HMGB1: variants seen among roughly 807,000 people sequenced by gnomAD.
HMGB1 encodes the protein high mobility group box 1, also known as high mobility group protein B1.
For synonymous variants in HMGB1, 81 were observed against 84.0 expected, an observed-to-expected ratio of 0.96 and a Z score of 0.19; for missense variants, 79 against 253.5, an observed-to-expected ratio of 0.31 and a Z score of 4.67.
rs1886477144 is a variant in HMGB1, at chr13:30,463,286, T to C, written c.217A>G (p.Arg73Gly). The change falls in exon 3 of 5, where the codon AGA (arginine) becomes GGA (glycine). Residue 73 changes from arginine (R) to glycine (G), a missense_variant. By Grantham distance (125) the Arg-to-Gly change is moderately radical. Transcript: ENST00000341423. ...MAKADKARYE[R>G]EMKTYIPPKG... ...GGAGGGATATAGGTTTTCATTTCTC[T>C]TTCATAACGGGCCTTGTCCGCTTTT... 6.2e-7 allele frequency: 1 copy of C among 1,609,776 alleles called. No individual in the cohort carries two copies. The highest frequency in any genetic ancestry group is 1.3e-5 in the African/African-American group (1 of 74,556).
rs1410116632 is a variant in HMGB1, at chr13:30,552,805, C to T, written c.-15+63866G>A. On this transcript the variant is annotated intron_variant, in intron 1 of 4. Coordinates refer to the HMGB1 transcript ENST00000405805. ...TCTAAACATTCTGAGCAATATATCACGTGTTCTCAATTTCACCTCTTATTT... is the reference window on the plus strand; with the variant it reads ...TCTAAACATTCTGAGCAATATATCATGTGTTCTCAATTTCACCTCTTATTT... Among the ~76,000 whole-genome samples the T allele has an allele frequency of 5.9e-5, 9 of 152,316 alleles. No individual in the cohort carries two copies. In the South Asian group the frequency reaches 1.7e-3, roughly 28 times the overall value.
intron 1 of HMGB1, chr13:30,554,557 C>T: frequency 1.3e-6 from 1 of 780,596 alleles, no homozygotes; most frequent in Non-Finnish European, 2.3e-6. Flanking sequence ...CTAAGGAAAA[C>T]TTAGCTCCTG....
intron 1 of HMGB1, among the ~76,000 whole-genome samples, chr13:30,497,458 A>G (rs201722435): frequency 1.3e-5 from 1 of 75,614 alleles, no homozygotes; most frequent in Non-Finnish European, 3.4e-5. Flanking sequence ...TTTTTTTTTT[A>G]ACTTTCATTT....
chr13:30,520,336 T>C (rs565240039), intron 1 of HMGB1, among the ~76,000 whole-genome samples: 8 of 149,446 alleles, frequency 5.4e-5, no homozygotes, highest in African/African-American at 1.7e-4. Context: ...AAAATAAAAA[T>C]AGGCTGGGCG....
At position 30,519,568 on chromosome 13, in the gene HMGB1, C is replaced by T. The variant is rs868418065; in HGVS notation, c.-14-55874G>A. On this transcript the variant is annotated intron_variant, in intron 1 of 4. Transcript: ENST00000405805. ...AAAAAAAATTAGCCAGGCGTGGTGG[C>T]GGGCGCCTGTAGTCCCAGCTACTTG... Among the ~76,000 whole-genome samples the T allele has an allele frequency of 6.3e-4, 94 of 150,224 alleles. 1 individual carries two copies. The highest frequency in any genetic ancestry group is 1.4e-3 in the African/African-American group (57 of 40,874).
At chr13:30,501,141 T>C (rs1272417972) in intron 1 of HMGB1, among the ~76,000 whole-genome samples, 3 of 152,140 alleles carry the variant, frequency 2.0e-5, no homozygotes, top group Non-Finnish European at 4.4e-5. Flanking sequence ...AATAAATGAA[T>C]TGGATACCCT....
At chr13:30,612,405 T>C (rs780379667) in intron 1 of HMGB1, among the ~76,000 whole-genome samples, 23 of 152,288 alleles carry the variant, frequency 1.5e-4, no homozygotes, top group South Asian at 6.2e-4. Context: ...GGGACTAGCA[T>C]TGTCAGCAGG....
At chr13:30,495,981 A>G (rs879369561) in intron 1 of HMGB1, among the ~76,000 whole-genome samples, 2 of 152,176 alleles carry the variant, frequency 1.3e-5, no homozygotes, top group Admixed American at 6.5e-5. Flanking sequence ...CTCTACAACC[A>G]TCTAGAGTGG....
intron 1 of HMGB1, among the ~76,000 whole-genome samples, chr13:30,550,398 G>A (rs901412970): frequency 6.6e-6 from 1 of 152,228 alleles, no homozygotes; most frequent in African/African-American, 2.4e-5. Flanking sequence ...ACCAGTGTGA[G>A]CAGTGCTAAC....
At chr13:30,502,989 C>G (rs1887769256) in intron 1 of HMGB1, among the ~76,000 whole-genome samples, 1 of 151,966 alleles carries the variant, frequency 6.6e-6, no homozygotes, top group African/African-American at 2.4e-5. Context: ...ACACTCTTAA[C>G]AGAGTTGATG....
At chr13:30,497,517 T>C (rs750021383) in intron 1 of HMGB1, among the ~76,000 whole-genome samples, 3 of 151,974 alleles carry the variant, frequency 2.0e-5, no homozygotes, top group Non-Finnish European at 2.9e-5. Context: ...AAATTTTGTG[T>C]CATGGGGGCT....
intron 1 of HMGB1, among the ~76,000 whole-genome samples, chr13:30,527,292 CAGGGAGA>C (rs1188505189): frequency 1.3e-5 from 2 of 152,332 alleles, no homozygotes; most frequent in East Asian, 3.9e-4. Flanking sequence ...TAAGAAACTT[CAGGGAGA>C]AGCTGGCCTG....
intron 1 of HMGB1, among the ~76,000 whole-genome samples, chr13:30,538,497 T>TCTTTCTTTCCTTC: frequency 2.1e-5 from 1 of 46,880 alleles, no homozygotes; most frequent in Non-Finnish European, 4.3e-5. Flanking sequence ...TTTCTTTCTT[T>TCTTTCTTTCCTTC]CTTTCTTTCT....
At chr13:30,555,011 C>T (rs1168323160) in intron 1 of HMGB1, among the ~76,000 whole-genome samples, 1 of 147,382 alleles carries the variant, frequency 6.8e-6, no homozygotes, top group African/African-American at 2.5e-5. Flanking sequence ...TTTGCAGAAC[C>T]TTACATTGGA....
intron 1 of HMGB1, among the ~76,000 whole-genome samples, chr13:30,612,121 A>C (rs932243400): frequency 2.0e-5 from 3 of 152,166 alleles, no homozygotes; most frequent in African/African-American, 7.2e-5. Context: ...CTCACAACCT[A>C]CTATGGGGCC....
At position 30,544,462 on chromosome 13, in the gene HMGB1, G is replaced by A. The variant is rs75618372; in HGVS notation, c.-15+72209C>T. On this transcript the variant is annotated intron_variant, in intron 1 of 4. Transcript: ENST00000405805. The stretch of plus-strand genomic sequence containing the variant: ...CAACCTCCGGGGAGGGAAGAGGGGC[G>A]GAAGGTTGAGTTGATCAGCAATAGG... Among the ~76,000 whole-genome samples, 25 of 152,332 alleles carry A rather than the reference G, an allele frequency of 1.6e-4. No individual in the cohort carries two copies. The East Asian group carries it at 3.9e-3, about 24-fold the overall frequency.
intron 1 of HMGB1, among the ~76,000 whole-genome samples, chr13:30,491,058 C>T (rs1043903470): frequency 1.3e-4 from 20 of 150,844 alleles, no homozygotes; most frequent in African/African-American, 3.9e-4. Context: ...GACGGAGTTT[C>T]GCTCTTGTTG....
At chr13:30,563,451 A>T (rs537498263) in intron 1 of HMGB1, among the ~76,000 whole-genome samples, 26 of 152,224 alleles carry the variant, frequency 1.7e-4, no homozygotes, top group African/African-American at 6.3e-4. Flanking sequence ...TCTCTAAAAA[A>T]TTTTAAAATT....
chr13:30,572,874 A>C (rs1487960550), intron 1 of HMGB1, among the ~76,000 whole-genome samples: 1 of 152,242 alleles, frequency 6.6e-6, no homozygotes, highest in Non-Finnish European at 1.5e-5. Flanking sequence ...CTCTTGGCTT[A>C]TTCTCACAAT....
Sources: gnomAD v4.1 joint callset for allele counts (sites outside exome capture counted in the v4.1 genomes callset) on GRCh38, gnomAD v4.1.1 for gene constraint, MANE v1.5 for transcripts, NCBI Gene and HGNC (gene_info 2026-07-23, HGNC 2026-07-21) for gene names.